PAMR1: variants seen among roughly 807,000 people sequenced by gnomAD.
PAMR1 encodes the protein peptidase domain containing associated with muscle regeneration 1, also known as inactive serine protease PAMR1.
A neutral mutation model predicts 81.8 loss-of-function variants in PAMR1; 88 were observed. The observed-to-expected ratio is 1.08, with a 90% CI of 0.91 to 1.28. PAMR1 has a LOEUF of 1.28. Among genes scored for constraint, PAMR1 ranks in the 50% most tolerant of loss-of-function variants. The pLI is 0.00. For synonymous variants in PAMR1, 336 were observed against 345.3 expected, an observed-to-expected ratio of 0.97 and a Z score of 0.30; for missense variants, 935 against 919.7, an observed-to-expected ratio of 1.02 and a Z score of -0.21.
chr11:35,528,613 C>CT (rs58265525), upstream of PAMR1, among the ~76,000 whole-genome samples: 235 of 151,984 alleles, frequency 1.5e-3, 2 homozygotes, highest in South Asian at 0.021. Context: ...TCTGTTTTTT[C>CT]TTTTTTTTGT....
chr11:35,446,254 T>C (rs2135348006), intron 6 of PAMR1, among the ~76,000 whole-genome samples: 1 of 152,282 alleles, frequency 6.6e-6, no homozygotes, highest in East Asian at 1.9e-4. Context: ...TCTAGCTAGC[T>C]ATGTATTTTA....
At chr11:35,529,498 T>G (rs1851434809), upstream of PAMR1, among the ~76,000 whole-genome samples, 1 of 152,176 alleles carries the variant, frequency 6.6e-6, no homozygotes, top group Non-Finnish European at 1.5e-5. Flanking sequence ...CCATACTGAC[T>G]AATGTTGAAT....
At chr11:35,464,521 A>C (rs549814763) in intron 6 of PAMR1, among the ~76,000 whole-genome samples, 33 of 152,318 alleles carry the variant, frequency 2.2e-4, no homozygotes, top group African/African-American at 6.5e-4. Context: ...ACTAGATGCC[A>C]GCAGCACACC....
intron 6 of PAMR1, among the ~76,000 whole-genome samples, chr11:35,451,220 A>G (rs1328175384): frequency 6.6e-6 from 1 of 152,152 alleles, no homozygotes; most frequent in East Asian, 1.9e-4. Context: ...TTGTAGCTCT[A>G]CTATATTTAA....
upstream of PAMR1, chr11:35,525,952 G>A (rs1228250637): frequency 1.4e-5 from 4 of 282,996 alleles, no homozygotes; most frequent in Non-Finnish European, 1.4e-5. Context: ...CGGGAGCAGA[G>A]GTACCCAGGG....
rs771579479 is a variant in PAMR1 at position 35,494,098 on chromosome 11, G to C, written c.248C>G (p.Pro83Arg). The change falls in exon 2 of 11, where the codon CCA becomes CGA. Residue 83 changes from proline (P) to arginine (R), a missense_variant and splice_region_variant. Physicochemically the swap from Pro to Arg is moderately radical, Grantham distance 103. Transcript: ENST00000619888. Reference sequence around the variant, plus strand: ...GAAGTCTCCCATTCCACACTCACCTGGGTGGATCAGGCAGGAGTCACACTC... The same window carrying C: ...GAAGTCTCCCATTCCACACTCACCTCGGTGGATCAGGCAGGAGTCACACTC... The part of the protein sequence containing the change: ...ENECDSCLIH[P>R]GCTIFENCKS... The C allele has an allele frequency of 1.2e-6, 2 of 1,613,432 alleles. No individual in the cohort carries two copies. The highest frequency in any genetic ancestry group is 8.5e-7 in the Non-Finnish European group (1 of 1,179,420).
At chr11:35,488,642 G>T in intron 3 of PAMR1, among the ~76,000 whole-genome samples, 1 of 100,952 alleles carries the variant, frequency 9.9e-6, no homozygotes, top group Non-Finnish European at 2.1e-5. Flanking sequence ...TATTCTTTTT[G>T]TCCATTTTTC....
chr11:35,485,319 T>C (rs778094038), intron 3 of PAMR1, among the ~76,000 whole-genome samples: 6 of 152,182 alleles, frequency 3.9e-5, no homozygotes, highest in Non-Finnish European at 8.8e-5. Flanking sequence ...TGGAGAATGA[T>C]AAAAAGTGGC....
intron 6 of PAMR1, among the ~76,000 whole-genome samples, chr11:35,447,462 C>T (rs1856320932): frequency 6.6e-6 from 1 of 152,118 alleles, no homozygotes; most frequent in Admixed American, 6.6e-5. Context: ...CTCGGCCTCC[C>T]AAAGTCCTGG....
intron 4 of PAMR1, among the ~76,000 whole-genome samples, chr11:35,472,573 G>A (rs1444412582): frequency 6.6e-6 from 1 of 152,218 alleles, no homozygotes; most frequent in Non-Finnish European, 1.5e-5. Flanking sequence ...AGCATAAAAA[G>A]TGACTAAGGT....
At chr11:35,441,817 T>G (rs1856176979) in intron 6 of PAMR1, 124 bp from the exon 7 acceptor site, 1 of 591,828 alleles carries the variant, frequency 1.7e-6, no homozygotes, top group Non-Finnish European at 2.8e-6. Context: ...TCAAAAGAAT[T>G]ACTAAAATAA....
intron 7 of PAMR1, among the ~76,000 whole-genome samples, chr11:35,440,760 A>C (rs887832028): frequency 1.8e-4 from 28 of 152,198 alleles, no homozygotes; most frequent in Non-Finnish European, 4.0e-4. Flanking sequence ...CTTGATTCCC[A>C]GATTGCCTCA....
intron 3 of PAMR1, among the ~76,000 whole-genome samples, chr11:35,482,641 C>T (rs1163189628): frequency 6.6e-6 from 1 of 152,106 alleles, no homozygotes; most frequent in Non-Finnish European, 1.5e-5. Flanking sequence ...TGGCCATTTT[C>T]ACAATATTGA....
chr11:35,488,375 T>C (rs368284153), intron 3 of PAMR1, among the ~76,000 whole-genome samples: 1 of 151,872 alleles, frequency 6.6e-6, no homozygotes, highest in Non-Finnish European at 1.5e-5. Flanking sequence ...TGCACCACCA[T>C]GCCTGGCTGA....
chr11:35,479,666 G>A (rs1378536408), intron 3 of PAMR1, among the ~76,000 whole-genome samples: 1 of 152,156 alleles, frequency 6.6e-6, no homozygotes, highest in African/African-American at 2.4e-5. Flanking sequence ...AGTGATAGCA[G>A]AGCCAAGGAT....
rs765530216 is a variant in PAMR1 at position 35,470,832 on chromosome 11, G to C, written c.495-14C>G. ...AACATGACAAATCTGTGGGTGGACA[G>C]GGTGACGGAGGGAAGCAGATGGGCC... On this transcript the variant is annotated splice_polypyrimidine_tract_variant and intron_variant, in intron 4 of 10. Coordinates refer to ENST00000619888, the MANE Select transcript of PAMR1 (RefSeq NM_001001991.3). 1 of 1,594,718 alleles carries C rather than the reference G, an allele frequency of 6.3e-7. No homozygotes were observed. The highest frequency in any genetic ancestry group is 1.1e-5 in the South Asian group (1 of 90,602).
At chr11:35,486,780 G>C (rs1335081102) in intron 3 of PAMR1, among the ~76,000 whole-genome samples, 1 of 152,172 alleles carries the variant, frequency 6.6e-6, no homozygotes, top group East Asian at 1.9e-4. Context: ...ACCATTTGCT[G>C]TATTGACTTC....
At position 35,434,546 on chromosome 11, in the gene PAMR1, T is replaced by C; in HGVS notation, c.1592A>G (p.Asp531Gly). 1 of 1,613,958 alleles carries C rather than the reference T, an allele frequency of 6.2e-7. No individual in the cohort carries two copies. Among genetic ancestry groups the C allele is most frequent in the South Asian group, 1.1e-5 (1 of 91,076 alleles). Residue 531 changes from aspartate to glycine, a missense_variant, in exon 10 of 11, where the codon GAT (aspartate) becomes GGT (glycine). Asp to Gly is a moderately conservative substitution (Grantham distance 94). Transcript: ENST00000619888. ...KVVLGKFYRD[D>G]DRDEKTIQSL... ...CTGGATGGTCTTCTCATCCCGGTCA[T>C]CATCCCGGTAGAATTTCCCCAAAAC...
At chr11:35,506,434 G>T (rs200536899) in intron 1 of PAMR1, among the ~76,000 whole-genome samples, 3 of 117,212 alleles carry the variant, frequency 2.6e-5, no homozygotes, top group Non-Finnish European at 3.6e-5. Flanking sequence ...GTTTTTTGGT[G>T]TTTTTTTTTT....
Sources: allele counts gnomAD v4.1 joint callset (sites outside exome capture counted in the v4.1 genomes callset), GRCh38; gene constraint gnomAD v4.1.1; transcripts MANE v1.5; gene names NCBI Gene and HGNC (gene_info 2026-07-23, HGNC 2026-07-21).